Variants in PPP1R14C observed in about 807,000 individuals in gnomAD.
The protein encoded by PPP1R14C is protein phosphatase 1 regulatory subunit 14C.
In PPP1R14C, 16 loss-of-function variants were observed where a neutral mutation model predicts 20.4. The ratio of observed to expected loss-of-function variants is 0.78; its 90% CI spans 0.53 to 1.19. The LOEUF (loss-of-function observed/expected upper bound fraction) is 1.19, where lower values mean the gene tolerates loss of function less well. Among genes scored for constraint, PPP1R14C ranks in the 50% most tolerant of loss-of-function variants. The pLI is 0.00. For synonymous variants in PPP1R14C, 91 were observed against 91.0 expected (o/e 1.00, Z 0.00); for missense variants, 211 against 220.1 (o/e 0.96, Z 0.26).
intron 3 of PPP1R14C, among the ~76,000 whole-genome samples, chr6:150,234,888 G>A (rs78381313): frequency 0.035 from 4,962 of 143,328 alleles, 322 homozygotes; most frequent in African/African-American, 0.12. Flanking sequence ...GAATCAAACT[G>A]CGGACGCACA....
chr6:150,155,607 C>A (rs950251937), intron 1 of PPP1R14C, among the ~76,000 whole-genome samples: 2 of 152,160 alleles, frequency 1.3e-5, no homozygotes, highest in African/African-American at 4.8e-5. Context: ...ATACACTGAG[C>A]AAATCTTTTT....
intron 3 of PPP1R14C, among the ~76,000 whole-genome samples, chr6:150,232,854 G>A (rs528345285): frequency 8.0e-4 from 122 of 152,282 alleles, no homozygotes; most frequent in African/African-American, 2.6e-3. Context: ...AACTATTCTT[G>A]AATATTTGTA....
chr6:150,220,545 T>A (rs1385407776), intron 3 of PPP1R14C, among the ~76,000 whole-genome samples: 1 of 152,220 alleles, frequency 6.6e-6, no homozygotes, highest in African/African-American at 2.4e-5. Context: ...ACATGTAATA[T>A]GGGAGTGGAA....
intron 1 of PPP1R14C, among the ~76,000 whole-genome samples, chr6:150,146,768 G>A (rs946890975): frequency 6.6e-6 from 1 of 152,064 alleles, no homozygotes; most frequent in Non-Finnish European, 1.5e-5. Context: ...CTGGGGACCC[G>A]GATCACAGAC....
At chr6:150,167,975 C>CTCCCCTCT in intron 1 of PPP1R14C, among the ~76,000 whole-genome samples, 2 of 149,254 alleles carry the variant, frequency 1.3e-5, no homozygotes, top group Admixed American at 6.7e-5. Flanking sequence ...TCTTTCTCTC[C>CTCCCCTCT]TTCTCTCCTC....
intron 1 of PPP1R14C, chr6:150,195,261 A>G: frequency 1.5e-6 from 1 of 678,268 alleles, no homozygotes. Context: ...ACCATGTTAT[A>G]CATGGGGGCT....
chr6:150,213,334 C>T (rs1226271934), intron 1 of PPP1R14C, among the ~76,000 whole-genome samples: 1 of 141,244 alleles, frequency 7.1e-6, no homozygotes, highest in Non-Finnish European at 1.5e-5. Flanking sequence ...GGGGTCCTCA[C>T]TTTTGTGTTG....
chr6:150,157,079 GGTTGA>G (rs1777313727), intron 1 of PPP1R14C, among the ~76,000 whole-genome samples: 1 of 151,838 alleles, frequency 6.6e-6, no homozygotes, highest in African/African-American at 2.4e-5. Flanking sequence ...ATGATCCCAA[GGTTGA>G]GTTAACTCAT....
At chr6:150,160,557 G>C (rs1777355647) in intron 1 of PPP1R14C, among the ~76,000 whole-genome samples, 1 of 151,904 alleles carries the variant, frequency 6.6e-6, no homozygotes. Context: ...ACAGACGTGA[G>C]CCACCGCGCC....
chr6:150,143,367 G>A lies in PPP1R14C; in HGVS notation c.175G>A (p.Val59Ile), dbSNP rs1333763660. ...PVATAAAAGQVQQQQQRRHQQ... is the reference protein window; with the variant it reads ...PVATAAAAGQIQQQQQRRHQQ... ...GGCCACGGCGGCCGCTGCAGGGCAGGTTCAGCAGCAACAGCAGCGGCGACA... is the reference window on the plus strand; with the variant it reads ...GGCCACGGCGGCCGCTGCAGGGCAGATTCAGCAGCAACAGCAGCGGCGACA... The change falls in exon 1 of 4, where the codon GTT becomes ATT. Residue 59 changes from valine (V) to isoleucine (I), a missense_variant. Transcript: ENST00000361131. The surrounding 1 kb of genome is among the most constrained non-coding windows in gnomAD (Gnocchi z 5.6). 6.2e-7 allele frequency: 1 copy of A among 1,611,132 alleles called. No homozygotes were observed. The highest frequency in any genetic ancestry group is 2.2e-5 in the East Asian group (1 of 44,652).
intron 1 of PPP1R14C, among the ~76,000 whole-genome samples, chr6:150,178,592 A>T (rs764313577): frequency 1.3e-5 from 2 of 152,242 alleles, no homozygotes; most frequent in Non-Finnish European, 2.9e-5. Flanking sequence ...TTTATCTCCA[A>T]CCTAAGCATA....
chr6:150,169,807 G>T (rs998961286), intron 1 of PPP1R14C, among the ~76,000 whole-genome samples: 1 of 152,198 alleles, frequency 6.6e-6, no homozygotes, highest in African/African-American at 2.4e-5. Context: ...AATCTGATTT[G>T]TGCATCATTT....
rs143261958 is a variant in PPP1R14C, at chr6:150,241,568, A to T, written c.424-7178A>T. Among the ~76,000 whole-genome samples, 33 of 152,044 alleles carry T rather than the reference A, an allele frequency of 2.2e-4. No homozygotes were observed. In the East Asian group the frequency reaches 6.0e-3, roughly 28 times the overall value. On this transcript the variant is annotated intron_variant, in intron 3 of 3. Coordinates refer to ENST00000361131, the MANE Select transcript of PPP1R14C (RefSeq NM_030949.3). ...CTGAGACTTTAACCCGTAGCATCTA[A>T]CTCTAACGCCAGCTCCAGGTAAATA... is the stretch of plus-strand genomic sequence containing the variant.
Position 150,248,932 on chromosome 6 carries a change from T to G in PPP1R14C, c.*112T>G, listed in dbSNP as rs1441379463. 1.2e-5 allele frequency: 7 copies of G among 572,380 alleles called. No individual in the cohort carries two copies. The South Asian group carries it at 1.7e-4, about 14-fold the overall frequency. The allele number at this position is 572,380 out of a possible 1,614,324, so 35.5% of individuals were successfully genotyped here. A position where few individuals can be genotyped will look rare whatever the true frequency, so the allele number is the denominator to read the frequency against. ...TCCTTATGAACAACGTTTTTGTTTTTTTTTTTTTCTTTTTTGGTGTGAAGG... is the reference window on the plus strand; with the variant it reads ...TCCTTATGAACAACGTTTTTGTTTTGTTTTTTTTCTTTTTTGGTGTGAAGG... On this transcript the variant is annotated 3_prime_UTR_variant, in exon 4 of 4. Coordinates refer to ENST00000361131, the MANE Select transcript of PPP1R14C (RefSeq NM_030949.3).
rs552246873 is a variant in PPP1R14C, at chr6:150,239,201, A to G, written c.424-9545A>G. 3.3e-5 allele frequency among the ~76,000 whole-genome samples: 5 copies of G among 152,374 alleles called. No homozygotes were observed. In the South Asian group the frequency reaches 1.0e-3, roughly 32 times the overall value. On this transcript the variant is annotated intron_variant, in intron 3 of 3. Coordinates refer to ENST00000361131, the MANE Select transcript of PPP1R14C (RefSeq NM_030949.3). ...ACTCGTGTTCATCCTTTCTTTCAGC[A>G]TGTCCAATATACGTACAAGTTACAT... is the stretch of plus-strand genomic sequence containing the variant.
At chr6:150,151,515 A>G (rs894596289) in intron 1 of PPP1R14C, among the ~76,000 whole-genome samples, 8 of 152,154 alleles carry the variant, frequency 5.3e-5, no homozygotes, top group African/African-American at 1.7e-4. Flanking sequence ...TGGTCACTGT[A>G]GTCCAGTTTC....
At chr6:150,218,485 C>CCCAA (rs1491450929) in intron 3 of PPP1R14C, among the ~76,000 whole-genome samples, 11 of 125,702 alleles carry the variant, frequency 8.8e-5, no homozygotes, top group African/African-American at 3.2e-4. Flanking sequence ...CCCCCCCCCC[C>CCCAA]AAAAAAAAAT....
At chr6:150,211,486 A>T (rs1445635714) in intron 1 of PPP1R14C, among the ~76,000 whole-genome samples, 1 of 152,158 alleles carries the variant, frequency 6.6e-6, no homozygotes, top group East Asian at 1.9e-4. Context: ...CCCAAACACA[A>T]CTAAGCTCTG....
Position 150,185,817 on chromosome 6 carries a change from C to T in PPP1R14C, c.307-28927C>T, listed in dbSNP as rs1368621798. On this transcript the variant is annotated intron_variant, in intron 1 of 3. Coordinates refer to ENST00000361131, the MANE Select transcript of PPP1R14C (RefSeq NM_030949.3). This position sits in a 1 kb window ranked among gnomAD's most constrained non-coding sequence, Gnocchi z 4.1. ...TTGGCTGATGTAGGGGTTCTACCCT[C>T]ACCATCACTCAGGGACCTAGGCTGC... 6.6e-6 allele frequency among the ~76,000 whole-genome samples: 1 copy of T among 152,178 alleles called. No homozygotes were observed. Among genetic ancestry groups the T allele is most frequent in the Non-Finnish European group, 1.5e-5 (1 of 68,034 alleles).
Sources: gnomAD v4.1 joint callset for allele counts (sites outside exome capture counted in the v4.1 genomes callset) on GRCh38, gnomAD v4.1.1 for gene constraint, Gnocchi (gnomAD v3.1) non-coding constraint, MANE v1.5 for transcripts, NCBI Gene and HGNC (gene_info 2026-07-23, HGNC 2026-07-21) for gene names.